RPS6KC1: variants seen among roughly 807,000 people sequenced by gnomAD.
RPS6KC1 encodes ribosomal protein S6 kinase C1, also known as inactive ribosomal protein S6 kinase delta-1.
Under a neutral mutation model 103.8 loss-of-function variants are expected in RPS6KC1, and 54 were observed. The observed-to-expected ratio is 0.52, with a 90% CI of 0.42 to 0.65. The LOEUF (loss-of-function observed/expected upper bound fraction) is 0.65, where lower values mean the gene tolerates loss of function less well. RPS6KC1 is among the 30% of genes least tolerant of loss of function. The pLI is 0.00. For synonymous variants in RPS6KC1, 439 were observed against 438.7 expected (o/e 1.00, Z -0.01); for missense variants, 1,151 against 1,253.8 (o/e 0.92, Z 1.24).
chr1:213,116,869 C>T (rs906703623), intron 4 of RPS6KC1, among the ~76,000 whole-genome samples: 10 of 149,724 alleles, frequency 6.7e-5, no homozygotes, highest in Non-Finnish European at 1.0e-4. Flanking sequence ...TTAAGAATGT[C>T]GAATATTGGC....
At chr1:213,660,818 G>A in the RPS6KC1 span, among the ~76,000 whole-genome samples, 3 of 152,212 alleles carry the variant, frequency 2.0e-5, no homozygotes, top group Admixed American at 6.5e-5. Flanking sequence ...GTAGGGCGAT[G>A]AAATAATGCA....
the RPS6KC1 span, among the ~76,000 whole-genome samples, chr1:213,722,656 A>G: frequency 6.6e-6 from 1 of 152,204 alleles, no homozygotes. Context: ...ACCCAGAGTG[A>G]ACAAGGGACA....
At chr1:213,760,606 GT>G in the RPS6KC1 span, among the ~76,000 whole-genome samples, 7,343 of 152,192 alleles carry the variant, frequency 0.048, 332 homozygotes, top group African/African-American at 0.11. Context: ...AGATAAATTC[GT>G]TTTGTTTCAG....
the RPS6KC1 span, among the ~76,000 whole-genome samples, chr1:213,589,480 A>T: frequency 6.6e-6 from 1 of 152,100 alleles, no homozygotes; most frequent in Non-Finnish European, 1.5e-5. Flanking sequence ...TTTCTATTAA[A>T]AATACAAAAA....
At chr1:213,623,897 G>A in the RPS6KC1 span, among the ~76,000 whole-genome samples, 1 of 152,174 alleles carries the variant, frequency 6.6e-6, no homozygotes, top group Admixed American at 6.5e-5. Context: ...CCACCTGCCC[G>A]AGATGTCGCA....
At chr1:213,646,923 A>C in the RPS6KC1 span, among the ~76,000 whole-genome samples, 1 of 151,190 alleles carries the variant, frequency 6.6e-6, no homozygotes, top group Admixed American at 6.6e-5. Flanking sequence ...TTTTAGACAG[A>C]ATCTTGCTCT....
chr1:213,546,624 T>A, the RPS6KC1 span, among the ~76,000 whole-genome samples: 7 of 152,328 alleles, frequency 4.6e-5, no homozygotes, highest in African/African-American at 1.7e-4. Context: ...TATGTTAGGA[T>A]TTTGGCAGTG....
At chr1:213,237,300 C>T (rs1201465381) in intron 10 of RPS6KC1, among the ~76,000 whole-genome samples, 1 of 151,984 alleles carries the variant, frequency 6.6e-6, no homozygotes, top group Non-Finnish European at 1.5e-5. Context: ...GTTATTTAAC[C>T]TTTCTGTGTC....
chr1:213,175,787 G>A (rs1261489654), intron 7 of RPS6KC1, among the ~76,000 whole-genome samples: 1 of 151,964 alleles, frequency 6.6e-6, no homozygotes, highest in Admixed American at 6.6e-5. Flanking sequence ...TCTTAAACAG[G>A]CTCAGTTTTA....
chr1:213,725,001 A>G, the RPS6KC1 span, among the ~76,000 whole-genome samples: 82,357 of 152,044 alleles, frequency 0.54, 23,250 homozygotes, highest in African/African-American at 0.7. Context: ...AGCTGTCTAG[A>G]GAAGGGCAGG....
intron 2 of RPS6KC1, among the ~76,000 whole-genome samples, chr1:213,075,699 C>T (rs188485289): frequency 1.3e-5 from 2 of 152,152 alleles, no homozygotes; most frequent in African/African-American, 4.8e-5. Flanking sequence ...ATTTATTCTT[C>T]AGTGTTCTTC....
At chr1:213,101,118 C>G (rs2081984131) in intron 3 of RPS6KC1, among the ~76,000 whole-genome samples, 1 of 152,106 alleles carries the variant, frequency 6.6e-6, no homozygotes, top group South Asian at 2.1e-4. Flanking sequence ...TAGTAACAGC[C>G]ATTCTGACTG....
the RPS6KC1 span, among the ~76,000 whole-genome samples, chr1:213,527,886 C>G: frequency 1.3e-5 from 2 of 151,982 alleles, no homozygotes; most frequent in Non-Finnish European, 2.9e-5. Flanking sequence ...ATACCATGCT[C>G]TTATAATAAA....
intron 6 of RPS6KC1, among the ~76,000 whole-genome samples, chr1:213,134,099 A>G (rs1444549991): frequency 6.6e-6 from 1 of 152,154 alleles, no homozygotes; most frequent in Non-Finnish European, 1.5e-5. Context: ...CTAAAAATAT[A>G]GAATCAAATT....
Position 213,240,722 on chromosome 1 carries a change from A to G in RPS6KC1, c.1246A>G (p.Ile416Val). 1 of 1,611,738 alleles carries G rather than the reference A, an allele frequency of 6.2e-7. No homozygotes were observed. The highest frequency in any genetic ancestry group is 8.5e-7 in the Non-Finnish European group (1 of 1,178,912). ...HAEGGKLWSY[I>V]SKFLNRSPEE... ...CACAGGTGGCAAACTGTGGTCATAT[A>G]TCAGTAAATTTCTAAACAGAAGTCC... Residue 416 changes from isoleucine (I) to valine (V), a missense_variant, in exon 11 of 15, where the codon ATC becomes GTC. By Grantham distance (29) the Ile-to-Val change is conservative. Coordinates refer to ENST00000366960, the MANE Select transcript of RPS6KC1 (RefSeq NM_012424.6).
At chr1:213,701,792 G>A in the RPS6KC1 span, among the ~76,000 whole-genome samples, 1 of 151,726 alleles carries the variant, frequency 6.6e-6, no homozygotes, top group Admixed American at 6.6e-5. Context: ...ATTTATTAGA[G>A]TCTTCTCACT....
At chr1:213,785,650 G>A in the RPS6KC1 span, among the ~76,000 whole-genome samples, 1 of 152,046 alleles carries the variant, frequency 6.6e-6, no homozygotes, top group Non-Finnish European at 1.5e-5. Context: ...CCGTGGATGG[G>A]GAGATATATA....
intron 14 of RPS6KC1, among the ~76,000 whole-genome samples, chr1:213,264,697 G>A (rs1446091799): frequency 1.3e-5 from 2 of 152,002 alleles, no homozygotes; most frequent in Non-Finnish European, 2.9e-5. Flanking sequence ...AGGGAAAAGG[G>A]GTCTCTTGGC....
At chr1:213,367,432 T>C in the RPS6KC1 span, among the ~76,000 whole-genome samples, 2 of 152,234 alleles carry the variant, frequency 1.3e-5, no homozygotes, top group Admixed American at 6.5e-5. Flanking sequence ...GAATTGAGAT[T>C]ACATTTCTTT....
Sources: allele counts gnomAD v4.1 joint callset (sites outside exome capture counted in the v4.1 genomes callset), GRCh38; gene constraint gnomAD v4.1.1; transcripts MANE v1.5; gene names NCBI Gene and HGNC (gene_info 2026-07-23, HGNC 2026-07-21).